VAV2: variants seen among roughly 807,000 people sequenced by gnomAD.
VAV2 encodes the protein guanine nucleotide exchange factor VAV2.
Under a neutral mutation model 132.5 loss-of-function variants are expected in VAV2, and 67 were observed. The ratio of observed to expected loss-of-function variants is 0.51; its 90% CI spans 0.42 to 0.62. VAV2 has a LOEUF of 0.62. VAV2 is among the 20% of genes least tolerant of loss of function. The pLI is 0.00. For synonymous variants in VAV2, 492 were observed against 443.5 expected (o/e 1.11, Z -1.37); for missense variants, 938 against 1,153.6 (o/e 0.81, Z 2.71).
At chr9:133,948,583 T>C (rs113656741) in intron 1 of VAV2, among the ~76,000 whole-genome samples, 1,602 of 152,082 alleles carry the variant, frequency 0.011, 27 homozygotes, top group African/African-American at 0.037. Flanking sequence ...GCTTGAGCCA[T>C]GGCTGCTACA....
At chr9:133,964,068 T>TAA (rs36118627) in intron 1 of VAV2, among the ~76,000 whole-genome samples, 11 of 133,184 alleles carry the variant, frequency 8.3e-5, no homozygotes, top group Admixed American at 5.2e-4. Flanking sequence ...TACATATATA[T>TAA]AAATGAATAG....
Position 133,769,277 on chromosome 9 carries a change from TC to T in VAV2, c.2434+139del, listed in dbSNP as rs1229343849. On this transcript the variant is annotated intron_variant, in intron 28 of 29. Transcript: ENST00000371850. This position sits in a 1 kb window ranked among gnomAD's most constrained non-coding sequence, Gnocchi z 8.1. ...CTGCCCGGCCTCCCCAGCCCCTTTC[TC>T]CCCTCCACCCAGTGCCAGACTGCGG... 1.8e-5 allele frequency: 17 copies of T among 927,902 alleles called. No individual in the cohort carries two copies. The highest frequency in any genetic ancestry group is 2.9e-5 in the Admixed American group (1 of 34,170). The allele number at this position is 927,902 out of a possible 1,614,324, so 57.5% of individuals were successfully genotyped here. A position where few individuals can be genotyped will look rare whatever the true frequency, so the allele number is the denominator to read the frequency against.
chr9:133,770,036 A>C (rs1266767495), intron 27 of VAV2, among the ~76,000 whole-genome samples: 1 of 152,170 alleles, frequency 6.6e-6, no homozygotes, highest in Non-Finnish European at 1.5e-5. Flanking sequence ...ACAGGGAGGG[A>C]TCTGGGAACA....
In VAV2 at chr9:133,857,089, G is replaced by A. The variant is rs1280155161; in HGVS notation, c.380+4285C>T. Among the ~76,000 whole-genome samples the A allele has an allele frequency of 6.6e-6, 1 of 152,152 alleles. No homozygotes were observed. The highest frequency in any genetic ancestry group is 1.5e-5 in the Non-Finnish European group (1 of 68,032). On this transcript the variant is annotated intron_variant, in intron 3 of 29. Transcript: ENST00000371850. This position sits in a 1 kb window ranked among gnomAD's most constrained non-coding sequence, Gnocchi z 4.0. The stretch of plus-strand genomic sequence containing the variant: ...TTTGGCTGACAGAAGCTTCCTTCAT[G>A]GGACCTGACCTCCCAGCCTGAGGAC...
intron 29 of VAV2, among the ~76,000 whole-genome samples, chr9:133,767,573 CT>C (rs1285271778): frequency 6.6e-6 from 1 of 152,158 alleles, no homozygotes; most frequent in South Asian, 2.1e-4. Context: ...TCCCAGCCCC[CT>C]AGGTGGGCTA....
chr9:133,985,949 G>C (rs950644512), intron 1 of VAV2, among the ~76,000 whole-genome samples: 14 of 152,058 alleles, frequency 9.2e-5, no homozygotes, highest in African/African-American at 3.4e-4. Context: ...GAGGGAGGGA[G>C]AGAGGGAAAA....
rs551142218 is a variant in VAV2, at chr9:133,836,763, C to T, written c.381-2423G>A. 6.6e-5 allele frequency among the ~76,000 whole-genome samples: 10 copies of T among 152,322 alleles called. 1 individual carries two copies. In the South Asian group the frequency reaches 1.7e-3, roughly 25 times the overall value. ...CATTCGGGGACTGTACTTCTAGAACCCGCCCTGCTAAGCCGATCAAGAGAT... is the reference window on the plus strand; with the variant it reads ...CATTCGGGGACTGTACTTCTAGAACTCGCCCTGCTAAGCCGATCAAGAGAT... On this transcript the variant is annotated intron_variant, in intron 3 of 29. Coordinates refer to ENST00000371850, the MANE Select transcript of VAV2 (RefSeq NM_001134398.2).
intron 25 of VAV2, among the ~76,000 whole-genome samples, chr9:133,773,134 A>T (rs508878): frequency 3.0e-5 from 1 of 33,676 alleles, no homozygotes; most frequent in Non-Finnish European, 6.1e-5. Flanking sequence ...TAGGCTGGAC[A>T]GCAGAGCCTA....
chr9:133,780,328 G>A (rs1833964013), intron 20 of VAV2, among the ~76,000 whole-genome samples: 2 of 152,178 alleles, frequency 1.3e-5, no homozygotes, highest in South Asian at 4.1e-4. Context: ...AGCTCGAGGG[G>A]CACACGAAGC....
intron 3 of VAV2, 66 bp downstream of exon 3, chr9:133,861,308 C>T: frequency 6.6e-7 from 1 of 1,523,126 alleles, no homozygotes; most frequent in Non-Finnish European, 8.9e-7. Context: ...GTATCTGTGA[C>T]AAGGCACGCT....
chr9:133,857,153 C>T lies in VAV2; in HGVS notation c.380+4221G>A, dbSNP rs1483878446. Among the ~76,000 whole-genome samples the T allele has an allele frequency of 6.6e-6, 1 of 152,162 alleles. No homozygotes were observed. Among genetic ancestry groups the T allele is most frequent in the East Asian group, 1.9e-4 (1 of 5,186 alleles). On this transcript the variant is annotated intron_variant, in intron 3 of 29. Coordinates refer to ENST00000371850, the MANE Select transcript of VAV2 (RefSeq NM_001134398.2). The surrounding 1 kb of genome is among the most constrained non-coding windows in gnomAD (Gnocchi z 4.0). ...CTTCTCAGGAAGTCCTACCCTTCAC[C>T]ATCTCCTCCCTCCCAGCCGTTCAGA...
intron 9 of VAV2, among the ~76,000 whole-genome samples, chr9:133,801,050 A>G (rs183950242): frequency 6.3e-4 from 96 of 152,276 alleles, no homozygotes; most frequent in African/African-American, 2.2e-3. Context: ...AGCTCCTGCA[A>G]TGGGTCTCAC....
At chr9:133,803,724 C>G (rs1349406617) in intron 9 of VAV2, among the ~76,000 whole-genome samples, 1 of 152,228 alleles carries the variant, frequency 6.6e-6, no homozygotes, top group Non-Finnish European at 1.5e-5. Context: ...CACCCTTCAC[C>G]CCCGACGAGC....
intron 4 of VAV2, among the ~76,000 whole-genome samples, chr9:133,821,894 C>T (rs1054730492): frequency 1.3e-5 from 2 of 152,238 alleles, no homozygotes; most frequent in Non-Finnish European, 1.5e-5. Context: ...CTTCCTGCCC[C>T]GTCTCATCCT....
At chr9:133,867,704 G>A (rs368757252) in intron 2 of VAV2, among the ~76,000 whole-genome samples, 3 of 152,234 alleles carry the variant, frequency 2.0e-5, no homozygotes, top group South Asian at 2.1e-4. Flanking sequence ...CCCAGCTCTC[G>A]CCACCTGGAG....
chr9:133,915,583 GGC>G (rs77850074), intron 2 of VAV2, among the ~76,000 whole-genome samples: 1,377 of 49,644 alleles, frequency 0.028, 13 homozygotes, highest in African/African-American at 0.039. Flanking sequence ...TCAAAGACAA[GGC>G]GCACACACAC....
intron 2 of VAV2, among the ~76,000 whole-genome samples, chr9:133,899,755 C>T (rs2132006888): frequency 6.8e-6 from 1 of 146,022 alleles, no homozygotes; most frequent in East Asian, 2.2e-4. Context: ...GGCGTGGTGG[C>T]TCATGCCTGT....
rs1371480475 is a variant in VAV2 at position 133,992,299 on chromosome 9, G to C, written c.-21C>G. On this transcript the variant is annotated 5_prime_UTR_variant, in exon 1 of 30. Transcript: ENST00000371850. The surrounding 1 kb of genome is among the most constrained non-coding windows in gnomAD (Gnocchi z 5.5). ...TCCATGGCGCCCGCGGGCCCGACCGGCTCAGGGCAGTGCTCGAGCCAAAGT... is the reference window on the plus strand; with the variant it reads ...TCCATGGCGCCCGCGGGCCCGACCGCCTCAGGGCAGTGCTCGAGCCAAAGT... The C allele has an allele frequency of 7.0e-7, 1 of 1,425,526 alleles. No homozygotes were observed. Among genetic ancestry groups the C allele is most frequent in the African/African-American group, 1.5e-5 (1 of 67,916 alleles). 88.3% of individuals were successfully genotyped at this position (1,425,526 alleles called of 1,614,324 possible). A position where few individuals can be genotyped will look rare whatever the true frequency, so the allele number is the denominator to read the frequency against.
At chr9:133,964,578 T>A (rs1218213287) in intron 1 of VAV2, among the ~76,000 whole-genome samples, 1 of 151,984 alleles carries the variant, frequency 6.6e-6, no homozygotes. Flanking sequence ...ATCCACAAAA[T>A]CCTAGCAAAC....
Sources: gnomAD v4.1 joint callset for allele counts (sites outside exome capture counted in the v4.1 genomes callset) on GRCh38, gnomAD v4.1.1 for gene constraint, Gnocchi (gnomAD v3.1) non-coding constraint, MANE v1.5 for transcripts, NCBI Gene and HGNC (gene_info 2026-07-23, HGNC 2026-07-21) for gene names.